CCDC149: variants seen among roughly 807,000 people sequenced by gnomAD.
CCDC149 encodes the protein coiled-coil domain-containing protein 149.
CCDC149 carries 45 observed loss-of-function variants against 59.9 expected under a neutral mutation model. The observed-to-expected ratio is 0.75, with a 90% CI of 0.59 to 0.96. The LOEUF is 0.96. CCDC149 is among the 40% of genes least tolerant of loss of function. The pLI, the probability that CCDC149 is intolerant of heterozygous loss-of-function variation, is 0.00. For missense variants in CCDC149, 584 were observed against 664.7 expected (o/e 0.88, Z 1.33); for synonymous variants, 245 against 260.6 (o/e 0.94, Z 0.58).
At position 24,808,829 on chromosome 4, in the gene CCDC149, G is replaced by A; in HGVS notation, c.1193-10C>T. ...TGCTTCTGAGCCTCCCCTGAAAACA[G>A]AACGAGGACAACATTAAACCTCTGG... On this transcript the variant is annotated splice_polypyrimidine_tract_variant and intron_variant, in intron 12 of 12. Coordinates refer to ENST00000635206, the MANE Select transcript of CCDC149 (RefSeq NM_001330643.2). The A allele has an allele frequency of 6.5e-7, 1 of 1,538,958 alleles. No homozygotes were observed. Among genetic ancestry groups the A allele is most frequent in the Non-Finnish European group, 8.8e-7 (1 of 1,141,632 alleles).
At chr4:24,840,810 A>T (rs996609762) in intron 4 of CCDC149, among the ~76,000 whole-genome samples, 1 of 152,186 alleles carries the variant, frequency 6.6e-6, no homozygotes, top group Admixed American at 6.5e-5. Flanking sequence ...AATGTTCATG[A>T]ATTAACTGTA....
chr4:24,922,075 A>C lies in CCDC149; in HGVS notation c.-64-26957T>G, dbSNP rs539334579. Among the ~76,000 whole-genome samples the C allele has an allele frequency of 1.2e-4, 19 of 152,176 alleles. No homozygotes were observed. The South Asian group carries it at 4.0e-3, about 32-fold the overall frequency. ...TCTTCACATCATCTTTCCTTTATGC[A>C]TATCTGTCTCTGTGTCTAAATTTCC... On this transcript the variant is annotated intron_variant, in intron 1 of 12. Transcript: ENST00000389609.
chr4:24,815,873 C>A (rs1714984053), intron 12 of CCDC149, among the ~76,000 whole-genome samples: 1 of 152,098 alleles, frequency 6.6e-6, no homozygotes, highest in Admixed American at 6.6e-5. Flanking sequence ...GGGGCCAACA[C>A]TGCTGTCCTC....
intron 1 of CCDC149, among the ~76,000 whole-genome samples, chr4:24,934,470 G>C (rs1322222428): frequency 6.6e-6 from 1 of 152,128 alleles, no homozygotes; most frequent in Non-Finnish European, 1.5e-5. Context: ...TCTTGGGTAG[G>C]TATTAGCAAC....
intron 1 of CCDC149, among the ~76,000 whole-genome samples, chr4:24,898,926 G>A (rs1392061416): frequency 6.6e-6 from 1 of 152,202 alleles, no homozygotes. Flanking sequence ...GGTAGGGGAG[G>A]TGGTGGAAAT....
At chr4:24,921,490 A>G (rs1013331739) in intron 1 of CCDC149, among the ~76,000 whole-genome samples, 3 of 152,204 alleles carry the variant, frequency 2.0e-5, no homozygotes, top group African/African-American at 7.2e-5. Flanking sequence ...GCTCTCCTAC[A>G]ATGGCTTGCA....
chr4:24,889,111 G>A (rs1435153125), intron 1 of CCDC149, among the ~76,000 whole-genome samples: 2 of 152,112 alleles, frequency 1.3e-5, no homozygotes, highest in African/African-American at 4.8e-5. Context: ...TTCACTGACA[G>A]TCTTGGCTAA....
intron 1 of CCDC149, among the ~76,000 whole-genome samples, chr4:24,940,928 CT>C (rs1472865216): frequency 6.6e-6 from 1 of 152,184 alleles, no homozygotes; most frequent in Non-Finnish European, 1.5e-5. Flanking sequence ...GAGACTTAGA[CT>C]CCCACATAAT....
intron 1 of CCDC149, among the ~76,000 whole-genome samples, chr4:24,878,786 C>T (rs1457960977): frequency 6.6e-6 from 1 of 152,208 alleles, no homozygotes; most frequent in Non-Finnish European, 1.5e-5. Context: ...GGGAACATCC[C>T]GCCTATTGAA....
At position 24,895,321 on chromosome 4, in the gene CCDC149, A is replaced by G. The variant is rs74972611; in HGVS notation, c.63+17496T>C. Reference sequence around the variant, plus strand: ...AAAAATGCACTGAGCTGTACACTTAAAATGTGTGCCTCTGCTGTCTACGTG... The same window carrying G: ...AAAAATGCACTGAGCTGTACACTTAGAATGTGTGCCTCTGCTGTCTACGTG... On this transcript the variant is annotated intron_variant, in intron 1 of 12. Coordinates refer to ENST00000635206, the MANE Select transcript of CCDC149 (RefSeq NM_001330643.2). Among the ~76,000 whole-genome samples, 100 of 152,270 alleles carry G rather than the reference A, an allele frequency of 6.6e-4. 1 individual carries two copies. In the East Asian group the frequency reaches 0.017, roughly 26 times the overall value.
chr4:24,903,879 C>A (rs921509225), intron 1 of CCDC149, among the ~76,000 whole-genome samples: 13 of 150,998 alleles, frequency 8.6e-5, no homozygotes, highest in Non-Finnish European at 1.3e-4. Flanking sequence ...GGGCTCACTG[C>A]AACCTCTGCC....
At chr4:24,952,276 C>A (rs1038736954) in intron 1 of CCDC149, among the ~76,000 whole-genome samples, 1 of 151,858 alleles carries the variant, frequency 6.6e-6, no homozygotes, top group Non-Finnish European at 1.5e-5. Context: ...CTGAAGTAGG[C>A]GAAATTTAAG....
At chr4:24,836,993 G>C (rs541830581) in intron 6 of CCDC149, among the ~76,000 whole-genome samples, 6 of 152,304 alleles carry the variant, frequency 3.9e-5, no homozygotes, top group Admixed American at 6.5e-5. Flanking sequence ...ACCTACCAAG[G>C]AAGGTGTAGG....
At chr4:24,934,264 G>A (rs1307107638) in intron 1 of CCDC149, among the ~76,000 whole-genome samples, 2 of 152,180 alleles carry the variant, frequency 1.3e-5, no homozygotes, top group Non-Finnish European at 2.9e-5. Flanking sequence ...CTGTTCTCAT[G>A]GTAGTGAATA....
chr4:24,865,484 C>G (rs1353566086), intron 3 of CCDC149, among the ~76,000 whole-genome samples: 1 of 152,150 alleles, frequency 6.6e-6, no homozygotes, highest in Non-Finnish European at 1.5e-5. Flanking sequence ...ACAGCAACTG[C>G]CAAAGTGATG....
At chr4:24,908,531 CAAAA>C (rs5856870) in intron 1 of CCDC149, among the ~76,000 whole-genome samples, 8 of 115,338 alleles carry the variant, frequency 6.9e-5, no homozygotes, top group Admixed American at 3.5e-4. Flanking sequence ...TCTATCTCTA[CAAAA>C]AAAAAAAAAA....
chr4:24,933,651 T>G (rs945659095), intron 1 of CCDC149, among the ~76,000 whole-genome samples: 2 of 152,236 alleles, frequency 1.3e-5, no homozygotes, highest in African/African-American at 4.8e-5. Context: ...GTTCATATTC[T>G]GGAGGGAGAG....
At chr4:24,912,794 C>G in intron 1 of CCDC149, 23 bp downstream of exon 1, 1 of 1,306,362 alleles carries the variant, frequency 7.7e-7, no homozygotes, top group Non-Finnish European at 9.8e-7. Context: ...GCCCATCCCG[C>G]CTGGCCGGCG....
intron 3 of CCDC149, among the ~76,000 whole-genome samples, chr4:24,868,687 G>A (rs1183575276): frequency 1.3e-5 from 2 of 152,178 alleles, no homozygotes; most frequent in African/African-American, 2.4e-5. Context: ...AAGATGAAGG[G>A]ACGGTCACTT....
Sources: allele counts gnomAD v4.1 joint callset (sites outside exome capture counted in the v4.1 genomes callset), GRCh38; gene constraint gnomAD v4.1.1; transcripts MANE v1.5; gene names NCBI Gene and HGNC (gene_info 2026-07-23, HGNC 2026-07-21).